Variants in EPHA6 observed in about 807,000 individuals in gnomAD.
EPHA6 encodes the protein EPH receptor A6, also known as ephrin type-A receptor 6.
EPHA6 carries 50 observed loss-of-function variants against 112.0 expected under a neutral mutation model. That is an observed-to-expected ratio of 0.45 (90% CI 0.36 to 0.56). The LOEUF is 0.56. Among genes scored for constraint, EPHA6 ranks in the 20% least tolerant of loss-of-function variants. The pLI, the probability that EPHA6 is intolerant of heterozygous loss-of-function variation, is 0.00. For missense variants in EPHA6, 1,280 were observed against 1,417.4 expected (o/e 0.90, Z 1.56); for synonymous variants, 529 against 490.7 (o/e 1.08, Z -1.03).
In EPHA6 at chr3:97,720,373, A is replaced by G. The variant is rs1367384923; in HGVS notation, c.2897A>G (p.Tyr966Cys). The change falls in exon 15 of 18, where the codon TAT becomes TGT. Residue 966 changes from tyrosine (Y) to cysteine (C), a missense_variant. Physicochemically the swap from Tyr to Cys is radical, Grantham distance 194. Around this residue, in one of 4 missense-constraint regions of EPHA6, gnomAD observed 37 missense variants for 92.9 expected, o/e 0.40. Coordinates refer to ENST00000389672, the MANE Select transcript of EPHA6 (RefSeq NM_001080448.3). ...YGIVMWEVMS[Y>C]GERPYWEMSN... ...ATTGTCATGTGGGAGGTCATGTCCT[A>G]TGGAGAGAGACCTTATTGGGAAATG... 25 of 1,605,124 alleles carry G rather than the reference A, an allele frequency of 1.6e-5. No individual in the cohort carries two copies. Among genetic ancestry groups the G allele is most frequent in the African/African-American group, 2.7e-5 (2 of 74,226 alleles).
intron 3 of EPHA6, among the ~76,000 whole-genome samples, chr3:97,084,322 T>C (rs2046825773): frequency 6.6e-6 from 1 of 151,160 alleles, no homozygotes; most frequent in Non-Finnish European, 1.5e-5. Flanking sequence ...GCCAATCGTA[T>C]AGCCCTTATA....
At chr3:97,718,345 G>C (rs1478146978) in intron 14 of EPHA6, among the ~76,000 whole-genome samples, 1 of 152,124 alleles carries the variant, frequency 6.6e-6, no homozygotes, top group African/African-American at 2.4e-5. Flanking sequence ...TGGATCACTT[G>C]CAGTGTTCTC....
chr3:97,120,668 C>T (rs2108301879), intron 3 of EPHA6, among the ~76,000 whole-genome samples: 1 of 151,842 alleles, frequency 6.6e-6, no homozygotes, highest in East Asian at 1.9e-4. Flanking sequence ...ATAGCTTATC[C>T]TTAAGCTGAG....
chr3:97,554,879 G>C (rs1006950962), intron 11 of EPHA6, among the ~76,000 whole-genome samples: 1 of 151,756 alleles, frequency 6.6e-6, no homozygotes, highest in Non-Finnish European at 1.5e-5. Context: ...CCCTACCAGG[G>C]CTGCCCAATT....
chr3:96,909,104 A>G (rs905254271), intron 2 of EPHA6, among the ~76,000 whole-genome samples: 12 of 151,996 alleles, frequency 7.9e-5, no homozygotes, highest in African/African-American at 2.7e-4. Flanking sequence ...TCATGTTAAT[A>G]TAACTAGTTA....
intron 11 of EPHA6, among the ~76,000 whole-genome samples, chr3:97,545,973 T>TG (rs750553229): frequency 6.6e-6 from 1 of 152,210 alleles, no homozygotes; most frequent in Non-Finnish European, 1.5e-5. Flanking sequence ...GCACATAAGA[T>TG]GGGTTTCCTG....
chr3:96,990,087 A>G (rs1307452560), intron 3 of EPHA6, among the ~76,000 whole-genome samples: 1 of 152,214 alleles, frequency 6.6e-6, no homozygotes, highest in Non-Finnish European at 1.5e-5. Flanking sequence ...TACTTGGTAA[A>G]AAAAATACAG....
At chr3:97,013,029 T>G (rs2044145289) in intron 3 of EPHA6, among the ~76,000 whole-genome samples, 1 of 152,174 alleles carries the variant, frequency 6.6e-6, no homozygotes, top group Non-Finnish European at 1.5e-5. Flanking sequence ...GCAAATATAC[T>G]CTCCCATTCT....
At chr3:97,359,703 T>C (rs2084270989) in intron 5 of EPHA6, among the ~76,000 whole-genome samples, 1 of 152,140 alleles carries the variant, frequency 6.6e-6, no homozygotes, top group African/African-American at 2.4e-5. Context: ...AATAGTGAGG[T>C]AAATCTGAAA....
intron 2 of EPHA6, among the ~76,000 whole-genome samples, chr3:96,980,128 T>C (rs1341638552): frequency 1.3e-5 from 2 of 152,218 alleles, no homozygotes; most frequent in Non-Finnish European, 2.9e-5. Flanking sequence ...TCCTTGCCCA[T>C]GCCTATGTCC....
At chr3:97,142,603 AG>A (rs2075939475) in intron 3 of EPHA6, among the ~76,000 whole-genome samples, 1 of 152,116 alleles carries the variant, frequency 6.6e-6, no homozygotes, top group African/African-American at 2.4e-5. Flanking sequence ...CAACTTCCCA[AG>A]GTTGAACCAT....
chr3:97,264,887 T>A (rs993539596), intron 5 of EPHA6, among the ~76,000 whole-genome samples: 5 of 152,268 alleles, frequency 3.3e-5, no homozygotes, highest in Admixed American at 3.3e-4. Context: ...AGAGGAGGGT[T>A]GCTGCTCTCT....
At position 97,362,450 on chromosome 3, in the gene EPHA6, A is replaced by G. The variant is rs143944853; in HGVS notation, c.1607-42700A>G. On this transcript the variant is annotated intron_variant, in intron 5 of 17. Coordinates refer to ENST00000389672, the MANE Select transcript of EPHA6 (RefSeq NM_001080448.3). Reference sequence around the variant, plus strand: ...AAATGAGAAAGTTAAGGTTTTCATAATATCTAATTATTTTACATTTATTAT... The same window carrying G: ...AAATGAGAAAGTTAAGGTTTTCATAGTATCTAATTATTTTACATTTATTAT... 4.3e-3 allele frequency among the ~76,000 whole-genome samples: 648 copies of G among 152,152 alleles called. 10 individuals are homozygous for G. The highest frequency in any genetic ancestry group is 0.014 in the African/African-American group (582 of 41,558).
intron 7 of EPHA6, among the ~76,000 whole-genome samples, chr3:97,472,120 T>G (rs1464149281): frequency 6.6e-6 from 1 of 151,762 alleles, no homozygotes; most frequent in African/African-American, 2.4e-5. Context: ...TAATCAAGTT[T>G]CTTAATTACA....
At chr3:97,429,258 T>C (rs2089351324) in intron 6 of EPHA6, among the ~76,000 whole-genome samples, 1 of 152,186 alleles carries the variant, frequency 6.6e-6, no homozygotes. Context: ...TCCATACTTT[T>C]ATAGTAGGAA....
chr3:97,663,742 C>A (rs2107639774), intron 14 of EPHA6, among the ~76,000 whole-genome samples: 1 of 152,252 alleles, frequency 6.6e-6, no homozygotes, highest in Middle Eastern at 3.4e-3. Flanking sequence ...CATTGCTGGA[C>A]ATTTGGGTTG....
At chr3:96,893,802 T>A (rs1300471069) in intron 2 of EPHA6, among the ~76,000 whole-genome samples, 2 of 152,206 alleles carry the variant, frequency 1.3e-5, no homozygotes, top group East Asian at 3.8e-4. Context: ...AAGCAAAGGT[T>A]TGACCTGTCT....
chr3:97,546,750 A>C (rs1028894896), intron 11 of EPHA6, among the ~76,000 whole-genome samples: 22 of 152,044 alleles, frequency 1.4e-4, no homozygotes, highest in African/African-American at 4.3e-4. Flanking sequence ...ATTTCTTGGA[A>C]GCTTTGTTCA....
chr3:97,013,560 A>C (rs2044163206), intron 3 of EPHA6, among the ~76,000 whole-genome samples: 1 of 152,164 alleles, frequency 6.6e-6, no homozygotes, highest in African/African-American at 2.4e-5. Context: ...ACAATACATA[A>C]ATCCTTGGAA....
Sources: gnomAD v4.1 joint callset for allele counts (sites outside exome capture counted in the v4.1 genomes callset) on GRCh38, gnomAD v4.1.1 for gene constraint, gnomAD v4.1.1 regional missense constraint, MANE v1.5 for transcripts, NCBI Gene and HGNC (gene_info 2026-07-23, HGNC 2026-07-21) for gene names.